The following LHX5 variants were observed in gnomAD, a reference collection of about 807,000 sequenced individuals.
LHX5 encodes the protein LIM/homeobox protein Lhx5.
Under a neutral mutation model 30.6 loss-of-function variants are expected in LHX5, and 5 were observed. That is an observed-to-expected ratio of 0.16 (90% CI 0.09 to 0.34). The LOEUF (loss-of-function observed/expected upper bound fraction) is 0.34, where lower values mean the gene tolerates loss of function less well. LHX5 is among the 10% of genes least tolerant of loss of function. The pLI is 1.00. For synonymous variants in LHX5, 266 were observed against 252.6 expected (o/e 1.05, Z -0.50); for missense variants, 458 against 570.6 (o/e 0.80, Z 2.01).
rs1021695426 is a variant in LHX5 at position 113,467,190 on chromosome 12, G to A, written c.841+66C>T. On this transcript the variant is annotated intron_variant, in intron 4 of 4. Transcript: ENST00000261731. The surrounding 1 kb of genome is among the most constrained non-coding windows in gnomAD (Gnocchi z 6.3). The stretch of plus-strand genomic sequence containing the variant: ...GAGCGGCGGAAAGCGTGCTGGCCGG[G>A]ACCCTTCGCCCTCAGCTCCCGGAAT... 13 of 1,370,406 alleles carry A rather than the reference G, an allele frequency of 9.5e-6. No individual in the cohort carries two copies. In the East Asian group the frequency reaches 3.6e-4, roughly 38 times the overall value. The allele number at this position is 1,370,406 out of a possible 1,614,324, so 84.9% of individuals were successfully genotyped here. A position where few individuals can be genotyped will look rare whatever the true frequency, so the allele number is the denominator to read the frequency against.
At position 113,471,635 on chromosome 12, in the gene LHX5, C is replaced by T. The variant is rs1286119513; in HGVS notation, c.-137G>A. On this transcript the variant is annotated 5_prime_UTR_variant, in exon 1 of 5. Coordinates refer to ENST00000261731, the MANE Select transcript of LHX5 (RefSeq NM_022363.3). ...GAGTCTGGTCCGGACCAAGACTCAGCCGGTCCAGTCCTTGGGCAATCTCTG... is the reference window on the plus strand; with the variant it reads ...GAGTCTGGTCCGGACCAAGACTCAGTCGGTCCAGTCCTTGGGCAATCTCTG... The T allele has an allele frequency of 8.4e-6, 7 of 830,016 alleles. No homozygotes were observed. Among genetic ancestry groups the T allele is most frequent in the Non-Finnish European group, 1.3e-5 (7 of 547,832 alleles). 51.4% of individuals were successfully genotyped at this position (830,016 alleles called of 1,614,324 possible).
Position 113,462,047 on chromosome 12 carries a change from T to A in LHX5, c.*1143A>T, listed in dbSNP as rs1958176179. The A allele has an allele frequency of 6.6e-6, 1 of 151,558 alleles. No homozygotes were observed. Among genetic ancestry groups the A allele is most frequent in the Admixed American group, 6.6e-5 (1 of 15,208 alleles). 9.4% of individuals were successfully genotyped at this position (151,558 alleles called of 1,614,324 possible). ...CCACACAGCGCTGAGGGAAAAAAGA[T>A]TTTTTTTTATTAATCTTTCTCTTTA... On this transcript the variant is annotated 3_prime_UTR_variant, in exon 5 of 5. Transcript: ENST00000261731.
intron 1 of LHX5, among the ~76,000 whole-genome samples, chr12:113,469,567 G>A (rs2136979518): frequency 6.6e-6 from 1 of 152,334 alleles, no homozygotes; most frequent in East Asian, 1.9e-4. Flanking sequence ...GGGCTTTTCA[G>A]ACTCTCCTGA....
At chr12:113,468,497 C>T (rs369217074) in intron 2 of LHX5, 93 bp from the exon 3 acceptor site, 4 of 1,427,784 alleles carry the variant, frequency 2.8e-6, no homozygotes, top group Admixed American at 2.4e-5. Flanking sequence ...GCCCAAGCTA[C>T]GGCCTGCCCA....
Position 113,464,870 on chromosome 12 carries a change from C to T in LHX5, c.842-1313G>A, listed in dbSNP as rs1718716564. On this transcript the variant is annotated intron_variant, in intron 4 of 4. Transcript: ENST00000261731. This position sits in a 1 kb window ranked among gnomAD's most constrained non-coding sequence, Gnocchi z 6.2. Reference sequence around the variant, plus strand: ...CAAATCTGTATCAACTCTCTGACCGCCCCACATAGCCCCTTTTCCAGAACC... The same window carrying T: ...CAAATCTGTATCAACTCTCTGACCGTCCCACATAGCCCCTTTTCCAGAACC... Among the ~76,000 whole-genome samples the T allele has an allele frequency of 6.6e-6, 1 of 152,184 alleles. No homozygotes were observed. Among genetic ancestry groups the T allele is most frequent in the Non-Finnish European group, 1.5e-5 (1 of 68,028 alleles).
chr12:113,471,385 G>T lies in LHX5; in HGVS notation c.114C>A (p.Asn38Lys). The stretch of plus-strand genomic sequence containing the variant: ...CGCGCGAGAAGCACTTCTCCGAGAG[G>T]TTGGTTTTGCACTCGCAGCACTGAA... ...KCVQCCECKT[N>K]LSEKCFSREG... Residue 38 changes from asparagine to lysine, a missense_variant, in exon 1 of 5, where the codon AAC (asparagine) becomes AAA (lysine). Around this residue, in one of 3 missense-constraint regions of LHX5, gnomAD observed 178 missense variants for 238.5 expected, o/e 0.75. Transcript: ENST00000261731. 1.2e-6 allele frequency: 2 copies of T among 1,614,086 alleles called. No homozygotes were observed. The highest frequency in any genetic ancestry group is 1.7e-6 in the Non-Finnish European group (2 of 1,179,950).
rs988850322 is a variant in LHX5, at chr12:113,466,877, G to A, written c.841+379C>T. Among the ~76,000 whole-genome samples, 4 of 152,112 alleles carry A rather than the reference G, an allele frequency of 2.6e-5. No homozygotes were observed. Among genetic ancestry groups the A allele is most frequent in the African/African-American group, 9.7e-5 (4 of 41,424 alleles). On this transcript the variant is annotated intron_variant, in intron 4 of 4. Transcript: ENST00000261731. The surrounding 1 kb of genome is among the most constrained non-coding windows in gnomAD (Gnocchi z 6.5). Reference sequence around the variant, plus strand: ...TGGCCTCAGTGTGACTGGTGGGAGTGTGCGCGTCTGTGGAGTTGTGTCTCC... The same window carrying A: ...TGGCCTCAGTGTGACTGGTGGGAGTATGCGCGTCTGTGGAGTTGTGTCTCC...
At position 113,471,648 on chromosome 12, in the gene LHX5, T is replaced by G; in HGVS notation, c.-150A>C. 2 of 755,652 alleles carry G rather than the reference T, an allele frequency of 2.6e-6. No homozygotes were observed. The allele number at this position is 755,652 out of a possible 1,614,324, so 46.8% of individuals were successfully genotyped here. Reference sequence around the variant, plus strand: ...ACCAAGACTCAGCCGGTCCAGTCCTTGGGCAATCTCTGGCCTGGCGCTGGG... The same window carrying G: ...ACCAAGACTCAGCCGGTCCAGTCCTGGGGCAATCTCTGGCCTGGCGCTGGG... On this transcript the variant is annotated 5_prime_UTR_variant, in exon 1 of 5. Transcript: ENST00000261731.
rs202131487 is a variant in LHX5, at chr12:113,463,427, T to C, written c.972A>G (p.Gly324=). Residue 324 remains glycine (G), a synonymous_variant, in exon 5 of 5, where the codon GGA becomes GGG. Coordinates refer to ENST00000261731, the MANE Select transcript of LHX5 (RefSeq NM_022363.3). This position sits in a 1 kb window ranked among gnomAD's most constrained non-coding sequence, Gnocchi z 6.7. ...AASGPGSTPL[G]ALEPPLAGPH... Reference sequence around the variant, plus strand: ...GGCCGGCGAGCGGCGGTTCCAGCGCTCCCAGCGGCGTCGAGCCGGGGCCAG... The same window carrying C: ...GGCCGGCGAGCGGCGGTTCCAGCGCCCCCAGCGGCGTCGAGCCGGGGCCAG... 16,065 of 1,553,674 alleles carry C rather than the reference T, an allele frequency of 0.01. 102 individuals are homozygous for C. The highest frequency in any genetic ancestry group is 0.012 in the Non-Finnish European group (13,731 of 1,152,014).
chr12:113,463,396 C>A lies in LHX5; in HGVS notation c.1003G>T (p.Ala335Ser). Reference sequence around the variant, plus strand: ...TCGGTGAACCTGGGGTTGTCCGCGGCGTGCGGGCCGGCGAGCGGCGGTTCC... The same window carrying A: ...TCGGTGAACCTGGGGTTGTCCGCGGAGTGCGGGCCGGCGAGCGGCGGTTCC... ...ALEPPLAGPH[A>S]ADNPRFTDMI... The change falls in exon 5 of 5, where the codon GCC (alanine) becomes TCC (serine). Residue 335 changes from alanine (A) to serine (S), a missense_variant. Coordinates refer to ENST00000261731, the MANE Select transcript of LHX5 (RefSeq NM_022363.3). This position sits in a 1 kb window ranked among gnomAD's most constrained non-coding sequence, Gnocchi z 6.7. The A allele has an allele frequency of 6.4e-7, 1 of 1,554,612 alleles. No homozygotes were observed. Among genetic ancestry groups the A allele is most frequent in the Non-Finnish European group, 8.7e-7 (1 of 1,151,844 alleles).
chr12:113,467,267 G>T lies in LHX5; in HGVS notation c.830C>A (p.Thr277Asn). ...ESEMLGSTPY[T>N]YYGDYQGDYY... Reference sequence around the variant, plus strand: ...GGGGCGCCCCTTACCTCCGTAGTAGGTGTACGGGGTGGACCCCAACATCTC... The same window carrying T: ...GGGGCGCCCCTTACCTCCGTAGTAGTTGTACGGGGTGGACCCCAACATCTC... The change falls in exon 4 of 5, where the codon ACC becomes AAC. Residue 277 changes from threonine to asparagine, a missense_variant. This residue lies in a region of LHX5 where 255 missense variants were observed against 246.8 expected (regional missense o/e 1.03). Transcript: ENST00000261731. This position sits in a 1 kb window ranked among gnomAD's most constrained non-coding sequence, Gnocchi z 6.3. The T allele has an allele frequency of 6.7e-7, 1 of 1,489,474 alleles. No homozygotes were observed. Among genetic ancestry groups the T allele is most frequent in the African/African-American group, 1.4e-5 (1 of 71,224 alleles). 92.3% of individuals were successfully genotyped at this position (1,489,474 alleles called of 1,614,324 possible).
Position 113,463,400 on chromosome 12 carries a change from C to A in LHX5, c.999G>T (p.Pro333=), listed in dbSNP as rs755471088. 9.6e-6 allele frequency: 15 copies of A among 1,554,820 alleles called. No homozygotes were observed. In the East Asian group the frequency reaches 3.2e-4, roughly 33 times the overall value. Residue 333 remains proline, a synonymous_variant, in exon 5 of 5, where the codon CCG becomes CCT. Coordinates refer to ENST00000261731, the MANE Select transcript of LHX5 (RefSeq NM_022363.3). The surrounding 1 kb of genome is among the most constrained non-coding windows in gnomAD (Gnocchi z 6.7). The stretch of plus-strand genomic sequence containing the variant: ...TGAACCTGGGGTTGTCCGCGGCGTG[C>A]GGGCCGGCGAGCGGCGGTTCCAGCG... ...LGALEPPLAG[P]HAADNPRFTD... is the part of the protein sequence containing the mutation.
Position 113,463,369 on chromosome 12 carries a change from T to A in LHX5, c.1030A>T (p.Met344Leu), listed in dbSNP as rs1291683552. Residue 344 changes from methionine (M) to leucine (L), a missense_variant, in exon 5 of 5, where the codon ATG (methionine) becomes TTG (leucine). Physicochemically the swap from Met to Leu is conservative, Grantham distance 15. This residue lies in a region of LHX5 where 255 missense variants were observed against 246.8 expected (regional missense o/e 1.03). Coordinates refer to ENST00000261731, the MANE Select transcript of LHX5 (RefSeq NM_022363.3). This position sits in a 1 kb window ranked among gnomAD's most constrained non-coding sequence, Gnocchi z 6.7. ...HAADNPRFTD[M>L]ISHPDTPSPE... ...CTCGGTGTGTCCGGGTGCGAGATCA[T>A]GTCGGTGAACCTGGGGTTGTCCGCG... is the stretch of plus-strand genomic sequence containing the variant. 3 of 1,552,354 alleles carry A rather than the reference T, an allele frequency of 1.9e-6. No homozygotes were observed. The highest frequency in any genetic ancestry group is 2.6e-6 in the Non-Finnish European group (3 of 1,149,918).
chr12:113,470,102 A>C (rs1360073783), intron 1 of LHX5, among the ~76,000 whole-genome samples: 1 of 152,082 alleles, frequency 6.6e-6, no homozygotes, highest in Non-Finnish European at 1.5e-5. Flanking sequence ...AATCTCTCAA[A>C]TCCCCGCTTT....
Position 113,466,338 on chromosome 12 carries a change from C to G in LHX5, c.841+918G>C, listed in dbSNP as rs1024051947. Among the ~76,000 whole-genome samples the G allele has an allele frequency of 3.3e-5, 5 of 152,136 alleles. No individual in the cohort carries two copies. The highest frequency in any genetic ancestry group is 1.2e-4 in the African/African-American group (5 of 41,430). ...AAGCAATGCGGCTCAGGGTAAGGAGCTGAAAAAATCGGATAGGGGGAGTTG... is the reference window on the plus strand; with the variant it reads ...AAGCAATGCGGCTCAGGGTAAGGAGGTGAAAAAATCGGATAGGGGGAGTTG... On this transcript the variant is annotated intron_variant, in intron 4 of 4. Coordinates refer to ENST00000261731, the MANE Select transcript of LHX5 (RefSeq NM_022363.3). The surrounding 1 kb of genome is among the most constrained non-coding windows in gnomAD (Gnocchi z 6.5).
chr12:113,464,159 A>C lies in LHX5; in HGVS notation c.842-602T>G, dbSNP rs1429893378. Among the ~76,000 whole-genome samples, 1 of 152,020 alleles carries C rather than the reference A, an allele frequency of 6.6e-6. No homozygotes were observed. The highest frequency in any genetic ancestry group is 1.5e-5 in the Non-Finnish European group (1 of 68,002). On this transcript the variant is annotated intron_variant, in intron 4 of 4. Transcript: ENST00000261731. The surrounding 1 kb of genome is among the most constrained non-coding windows in gnomAD (Gnocchi z 6.2). ...GCCGCGGTTAGAGACACGCGTGGAA[A>C]CCCCCGGGGGCGGCAGCGAGGGAGT...
Position 113,464,411 on chromosome 12 carries a change from G to T in LHX5, c.842-854C>A, listed in dbSNP as rs756988199. On this transcript the variant is annotated intron_variant, in intron 4 of 4. Transcript: ENST00000261731. This position sits in a 1 kb window ranked among gnomAD's most constrained non-coding sequence, Gnocchi z 6.2. The stretch of plus-strand genomic sequence containing the variant: ...CGGGCCGCGGCAGGAGCGACTGGTG[G>T]GTTGGGCCGGGCGGGGCGGCCTTGG... Among the ~76,000 whole-genome samples the T allele has an allele frequency of 2.5e-4, 38 of 152,216 alleles. No individual in the cohort carries two copies. The highest frequency in any genetic ancestry group is 4.7e-4 in the Non-Finnish European group (32 of 68,034).
At chr12:113,468,973 AC>A in intron 2 of LHX5, 148 bp downstream of exon 2, 1 of 625,490 alleles carries the variant, frequency 1.6e-6, no homozygotes, top group Non-Finnish European at 2.7e-6. Flanking sequence ...CTAGCCTCTA[AC>A]CCCCTTGCCT....
rs1958181934 is a variant in LHX5 at position 113,462,637 on chromosome 12, T to A, written c.*553A>T. On this transcript the variant is annotated 3_prime_UTR_variant, in exon 5 of 5. Transcript: ENST00000261731. ...TCGCTCGCTCTCCGTCTTCTCCCTC[T>A]GGCTGACGCTGTCTCTCCATCTCCT... The A allele has an allele frequency of 6.6e-6, 1 of 152,114 alleles. No individual in the cohort carries two copies. Among genetic ancestry groups the A allele is most frequent in the Non-Finnish European group, 1.5e-5 (1 of 68,012 alleles). 9.4% of individuals were successfully genotyped at this position (152,114 alleles called of 1,614,324 possible).
Sources: gnomAD v4.1 joint callset for allele counts (sites outside exome capture counted in the v4.1 genomes callset) on GRCh38, gnomAD v4.1.1 for gene constraint, gnomAD v4.1.1 regional missense constraint, Gnocchi (gnomAD v3.1) non-coding constraint, MANE v1.5 for transcripts, NCBI Gene and HGNC (gene_info 2026-07-23, HGNC 2026-07-21) for gene names.